TACR3: variants seen among roughly 807,000 people sequenced by gnomAD.
TACR3 encodes the protein neuromedin-K receptor.
A neutral mutation model predicts 35.0 loss-of-function variants in TACR3; 34 were observed. The ratio of observed to expected loss-of-function variants is 0.97; its 90% CI spans 0.74 to 1.30. The LOEUF is 1.30. TACR3 is among the 50% of genes most tolerant of loss of function. TACR3 has a pLI of 0.00. For synonymous variants in TACR3, 233 were observed against 221.1 expected, an observed-to-expected ratio of 1.05 and a Z score of -0.48; for missense variants, 558 against 591.7, an observed-to-expected ratio of 0.94 and a Z score of 0.59.
In TACR3 at chr4:103,605,791, G is replaced by A. The variant is rs1206988006; in HGVS notation, c.889-14108C>T. ...TTGTAGGTTGCCTGTTCACTCTGATGGTAGTTTCTTTTGCTGTGCAGAAGC... is the reference window on the plus strand; with the variant it reads ...TTGTAGGTTGCCTGTTCACTCTGATAGTAGTTTCTTTTGCTGTGCAGAAGC... On this transcript the variant is annotated intron_variant, in intron 3 of 4. Transcript: ENST00000304883. 3.9e-4 allele frequency among the ~76,000 whole-genome samples: 59 copies of A among 151,762 alleles called. 1 individual carries two copies. Among genetic ancestry groups the A allele is most frequent in the Non-Finnish European group, 5.9e-5 (4 of 67,912 alleles).
intron 3 of TACR3, among the ~76,000 whole-genome samples, chr4:103,637,793 AACAG>A (rs1438474297): frequency 1.3e-5 from 2 of 152,278 alleles, no homozygotes; most frequent in South Asian, 2.1e-4. Flanking sequence ...ATACACCAAT[AACAG>A]ACAAACAGAG....
chr4:103,589,720 T>C lies in TACR3; in HGVS notation c.1360A>G (p.Ile454Val), dbSNP rs992082007. 6.2e-7 allele frequency: 1 copy of C among 1,613,998 alleles called. No individual in the cohort carries two copies. Among genetic ancestry groups the C allele is most frequent in the Non-Finnish European group, 8.5e-7 (1 of 1,179,896 alleles). ...SKSASATSSF[I>V]SSPYTSVDEY... ...TCCACAGAGGTATAGGGTGAGCTTA[T>C]GAAACTTGAAGTGGCGGAGGCAGAT... Residue 454 changes from isoleucine to valine, a missense_variant, in exon 5 of 5, where the codon ATA becomes GTA. Transcript: ENST00000304883.
At chr4:103,612,271 G>T (rs1283240360) in intron 3 of TACR3, among the ~76,000 whole-genome samples, 2 of 151,942 alleles carry the variant, frequency 1.3e-5, no homozygotes, top group South Asian at 4.2e-4. Flanking sequence ...TGTCTTTCTT[G>T]CCTGGAGTGC....
intron 1 of TACR3, among the ~76,000 whole-genome samples, chr4:103,677,463 C>T (rs1726194789): frequency 6.6e-6 from 1 of 152,030 alleles, no homozygotes; most frequent in Non-Finnish European, 1.5e-5. Flanking sequence ...CAACCTAATG[C>T]CCATCAGCAA....
intron 1 of TACR3, among the ~76,000 whole-genome samples, chr4:103,684,390 C>A (rs1042681068): frequency 2.0e-5 from 3 of 151,996 alleles, no homozygotes; most frequent in South Asian, 2.1e-4. Context: ...GTTCAAGTGA[C>A]AAAATCAATG....
At chr4:103,602,201 G>C (rs528619886) in intron 3 of TACR3, among the ~76,000 whole-genome samples, 1 of 151,890 alleles carries the variant, frequency 6.6e-6, no homozygotes, top group Non-Finnish European at 1.5e-5. Context: ...TTCTGCATTC[G>C]TCACGTAGCT....
At chr4:103,592,210 G>A (rs962131762) in intron 3 of TACR3, among the ~76,000 whole-genome samples, 15 of 151,996 alleles carry the variant, frequency 9.9e-5, no homozygotes, top group Non-Finnish European at 1.9e-4. Flanking sequence ...ATATTAATTT[G>A]GTTTCTCTTA....
At chr4:103,664,744 C>G (rs977836487) in intron 1 of TACR3, among the ~76,000 whole-genome samples, 3 of 152,082 alleles carry the variant, frequency 2.0e-5, no homozygotes, top group African/African-American at 7.2e-5. Context: ...GATACATGAC[C>G]TTTGTCAAAA....
chr4:103,717,863 G>T (rs1371849872), intron 1 of TACR3, among the ~76,000 whole-genome samples: 1 of 151,964 alleles, frequency 6.6e-6, no homozygotes, highest in Admixed American at 6.6e-5. Flanking sequence ...TAATGAAGGG[G>T]TGCATATGTG....
At chr4:103,683,470 C>CAAAAAAA (rs57761679) in intron 1 of TACR3, among the ~76,000 whole-genome samples, 3 of 21,152 alleles carry the variant, frequency 1.4e-4, no homozygotes, top group Non-Finnish European at 2.7e-4. Context: ...AAAGACTGAC[C>CAAAAAAA]AAAAAAAAAA....
rs192630475 is a variant in TACR3 at position 103,608,885 on chromosome 4, A to G, written c.889-17202T>C. On this transcript the variant is annotated intron_variant, in intron 3 of 4. Coordinates refer to ENST00000304883, the MANE Select transcript of TACR3 (RefSeq NM_001059.3). Reference sequence around the variant, plus strand: ...ATTGTCTCCTAGTTTCTTAATAACTAGTGCTCAGTGTGCCTACAAACAAGG... The same window carrying G: ...ATTGTCTCCTAGTTTCTTAATAACTGGTGCTCAGTGTGCCTACAAACAAGG... Among the ~76,000 whole-genome samples the G allele has an allele frequency of 8.5e-5, 13 of 152,268 alleles. No homozygotes were observed. The East Asian group carries it at 1.7e-3, about 20-fold the overall frequency.
At chr4:103,702,237 A>G (rs1004703245) in intron 1 of TACR3, among the ~76,000 whole-genome samples, 6 of 152,206 alleles carry the variant, frequency 3.9e-5, no homozygotes, top group African/African-American at 7.2e-5. Flanking sequence ...AAAAGTGGGC[A>G]AAGGATATGA....
Position 103,719,360 on chromosome 4 carries a change from C to T in TACR3, c.316G>A (p.Val106Ile), listed in dbSNP as rs755230221. Residue 106 changes from valine to isoleucine, a missense_variant, in exon 1 of 5, where the codon GTC becomes ATC. Coordinates refer to ENST00000304883, the MANE Select transcript of TACR3 (RefSeq NM_001059.3). ...VAVAVLGNLI[V>I]IWIILAHKRM... ...TTGTGGGCCAGGATGATCCAGATGACGATGAGATTTCCCAAAACTGCCACT... is the reference window on the plus strand; with the variant it reads ...TTGTGGGCCAGGATGATCCAGATGATGATGAGATTTCCCAAAACTGCCACT... The T allele has an allele frequency of 6.2e-7, 1 of 1,614,220 alleles. No individual in the cohort carries two copies. Among genetic ancestry groups the T allele is most frequent in the East Asian group, 2.2e-5 (1 of 44,878 alleles).
intron 3 of TACR3, among the ~76,000 whole-genome samples, chr4:103,636,692 A>G (rs1016766404): frequency 9.2e-5 from 14 of 152,008 alleles, no homozygotes; most frequent in Non-Finnish European, 1.8e-4. Flanking sequence ...GACCGCTAGC[A>G]AGACTAATAA....
chr4:103,656,978 AC>A (rs1489744153), intron 2 of TACR3, among the ~76,000 whole-genome samples: 2 of 152,048 alleles, frequency 1.3e-5, no homozygotes, highest in Non-Finnish European at 1.5e-5. Flanking sequence ...AAACAAAAAA[AC>A]ATGTCGACAT....
intron 1 of TACR3, 21 bp from the exon 2 acceptor site, chr4:103,658,424 C>T: frequency 6.2e-7 from 1 of 1,607,590 alleles, no homozygotes; most frequent in Non-Finnish European, 8.5e-7. Context: ...ACAAACAAAA[C>T]CATTTCATTG....
At chr4:103,630,090 A>G (rs1159221678) in intron 3 of TACR3, among the ~76,000 whole-genome samples, 1 of 152,160 alleles carries the variant, frequency 6.6e-6, no homozygotes, top group Non-Finnish European at 1.5e-5. Context: ...GAAATGGAGA[A>G]AGGATTCCCT....
intron 1 of TACR3, among the ~76,000 whole-genome samples, chr4:103,707,707 G>C (rs557244605): frequency 2.0e-5 from 3 of 152,086 alleles, no homozygotes; most frequent in Non-Finnish European, 4.4e-5. Context: ...GTGAGGCATC[G>C]CCTCACCTGG....
At chr4:103,671,369 G>A (rs552817634) in intron 1 of TACR3, among the ~76,000 whole-genome samples, 9 of 152,034 alleles carry the variant, frequency 5.9e-5, no homozygotes, top group African/African-American at 2.2e-4. Context: ...ATTGGTGTTA[G>A]CTTTTCTTTA....
Sources: allele counts gnomAD v4.1 joint callset (sites outside exome capture counted in the v4.1 genomes callset), GRCh38; gene constraint gnomAD v4.1.1; transcripts MANE v1.5; gene names NCBI Gene and HGNC (gene_info 2026-07-23, HGNC 2026-07-21).